CAMK1D: variants seen among roughly 807,000 people sequenced by gnomAD.
CAMK1D encodes calcium/calmodulin-dependent protein kinase type 1D.
CAMK1D carries 9 observed loss-of-function variants against 47.7 expected under a neutral mutation model. The ratio of observed to expected loss-of-function variants is 0.19; its 90% confidence interval spans 0.11 to 0.33. The LOEUF (loss-of-function observed/expected upper bound fraction) is 0.33. CAMK1D is among the 10% of genes least tolerant of loss of function. The probability of loss-of-function intolerance (pLI) is 1.00; values close to 1 mark genes in which losing one functional copy is unlikely to be tolerated. For synonymous variants in CAMK1D, 184 were observed against 184.9 expected (o/e 0.99, Z 0.04); for missense variants, 291 against 488.7 (o/e 0.60, Z 3.81).
At chr10:12,722,039 C>A (rs933402571) in intron 3 of CAMK1D, among the ~76,000 whole-genome samples, 6 of 152,132 alleles carry the variant, frequency 3.9e-5, no homozygotes, top group Non-Finnish European at 8.8e-5. Flanking sequence ...TTCACAATGG[C>A]TCCACCCTCA....
At chr10:12,694,578 A>G (rs1395540005) in intron 3 of CAMK1D, among the ~76,000 whole-genome samples, 1 of 122,650 alleles carries the variant, frequency 8.2e-6, no homozygotes, top group Non-Finnish European at 1.7e-5. Flanking sequence ...ATATATAAAA[A>G]TATATCATAT....
intron 3 of CAMK1D, among the ~76,000 whole-genome samples, chr10:12,709,643 T>G (rs1335798216): frequency 6.6e-6 from 1 of 152,208 alleles, no homozygotes; most frequent in African/African-American, 2.4e-5. Context: ...TGTTTTAATC[T>G]GTCACCCGAT....
At chr10:12,730,278 G>A (rs1834831992) in intron 3 of CAMK1D, among the ~76,000 whole-genome samples, 1 of 152,146 alleles carries the variant, frequency 6.6e-6, no homozygotes, top group Non-Finnish European at 1.5e-5. Context: ...GCCAGTAAGG[G>A]AAACAGAGGG....
At chr10:12,814,358 C>A (rs1047458872) in intron 7 of CAMK1D, 51 bp downstream of exon 7, 2 of 1,184,522 alleles carry the variant, frequency 1.7e-6, no homozygotes, top group Non-Finnish European at 2.5e-6. Context: ...GACACTTACA[C>A]CCAGACCACG....
intron 1 of CAMK1D, among the ~76,000 whole-genome samples, chr10:12,488,060 T>C: frequency 6.6e-6 from 1 of 152,144 alleles, no homozygotes; most frequent in East Asian, 1.9e-4. Flanking sequence ...TTCACAGCCA[T>C]CATTCCCTCT....
chr10:12,407,552 C>A, intron 1 of CAMK1D, among the ~76,000 whole-genome samples: 1 of 152,204 alleles, frequency 6.6e-6, no homozygotes, highest in East Asian at 1.9e-4. Flanking sequence ...TCATGGTAGC[C>A]CCTTCTTCTG....
At chr10:12,761,931 A>G (rs767420081) in intron 4 of CAMK1D, among the ~76,000 whole-genome samples, 7 of 152,240 alleles carry the variant, frequency 4.6e-5, no homozygotes, top group Non-Finnish European at 5.9e-5. Context: ...TTCTTTTCTT[A>G]CAGTTTCCTA....
chr10:12,419,175 G>A (rs920048699), intron 1 of CAMK1D, among the ~76,000 whole-genome samples: 11 of 151,794 alleles, frequency 7.2e-5, no homozygotes, highest in African/African-American at 2.7e-4. Flanking sequence ...AAGCTATAAT[G>A]ACTTTACCAT....
At chr10:12,663,247 A>T (rs968578023) in intron 2 of CAMK1D, among the ~76,000 whole-genome samples, 36 of 152,238 alleles carry the variant, frequency 2.4e-4, no homozygotes, top group African/African-American at 8.4e-4. Context: ...AGGCATGAGC[A>T]ACCGTGCCCG....
chr10:12,478,901 C>T (rs949429186), intron 1 of CAMK1D, among the ~76,000 whole-genome samples: 10 of 152,314 alleles, frequency 6.6e-5, no homozygotes, highest in Admixed American at 2.6e-4. Flanking sequence ...TAATAGTCAT[C>T]GCCACAGCGT....
chr10:12,754,555 A>G (rs1469020037), intron 3 of CAMK1D, among the ~76,000 whole-genome samples: 1 of 152,216 alleles, frequency 6.6e-6, no homozygotes, highest in East Asian at 1.9e-4. Flanking sequence ...AAGATCCTTT[A>G]TGTTGCCCGG....
chr10:12,693,957 T>A (rs1479056178), intron 3 of CAMK1D, among the ~76,000 whole-genome samples: 11 of 52,300 alleles, frequency 2.1e-4, no homozygotes, highest in Non-Finnish European at 3.1e-4. Context: ...TAATATATAT[T>A]ATATATAAAA....
At chr10:12,500,811 C>G (rs1027211275) in intron 1 of CAMK1D, among the ~76,000 whole-genome samples, 3 of 152,202 alleles carry the variant, frequency 2.0e-5, no homozygotes, top group Non-Finnish European at 4.4e-5. Flanking sequence ...ACACCTCTTA[C>G]TTGTTGATTA....
At chr10:12,813,943 A>ATTT (rs113993296) in intron 6 of CAMK1D, among the ~76,000 whole-genome samples, 5,021 of 125,356 alleles carry the variant, frequency 0.04, 367 homozygotes, top group East Asian at 0.34. Context: ...ATGTCAGCTG[A>ATTT]TTTTTTTTTT....
At chr10:12,437,597 C>G (rs1396635784) in intron 1 of CAMK1D, among the ~76,000 whole-genome samples, 1 of 152,212 alleles carries the variant, frequency 6.6e-6, no homozygotes, top group African/African-American at 2.4e-5. Flanking sequence ...CACAGGCTCT[C>G]CTACTATCAA....
chr10:12,691,871 G>A (rs376906494), intron 3 of CAMK1D, among the ~76,000 whole-genome samples: 29 of 152,044 alleles, frequency 1.9e-4, no homozygotes, highest in East Asian at 5.8e-4. Context: ...TGTGTAATTC[G>A]CGTTACATTT....
At chr10:12,521,751 A>G (rs1451914503) in intron 1 of CAMK1D, among the ~76,000 whole-genome samples, 1 of 152,176 alleles carries the variant, frequency 6.6e-6, no homozygotes, top group African/African-American at 2.4e-5. Context: ...TGCCTCACAT[A>G]TTTTGAAGCC....
At chr10:12,807,764 G>A (rs1312112087) in intron 6 of CAMK1D, among the ~76,000 whole-genome samples, 3 of 152,158 alleles carry the variant, frequency 2.0e-5, no homozygotes, top group South Asian at 2.1e-4. Flanking sequence ...AGATCTGCCC[G>A]GTTCTGTCTG....
chr10:12,551,479 G>A (rs577113402), intron 1 of CAMK1D, among the ~76,000 whole-genome samples: 1 of 152,302 alleles, frequency 6.6e-6, no homozygotes, highest in Admixed American at 6.5e-5. Flanking sequence ...AAGTGGCTGG[G>A]CGTGGTGGTT....
Sources: gnomAD v4.1 joint callset for allele counts (sites outside exome capture counted in the v4.1 genomes callset) on GRCh38, gnomAD v4.1.1 for gene constraint, MANE v1.5 for transcripts, NCBI Gene and HGNC (gene_info 2026-07-23, HGNC 2026-07-21) for gene names.